ACACA: variants seen among roughly 807,000 people sequenced by gnomAD.
ACACA encodes the protein acetyl-CoA carboxylase alpha.
A neutral mutation model predicts 296.1 loss-of-function variants in ACACA; 103 were observed. The observed-to-expected ratio is 0.35, with a 90% CI of 0.30 to 0.41. The LOEUF is 0.41. Among genes scored for constraint, ACACA ranks in the 10% least tolerant of loss-of-function variants. ACACA has a pLI of 1.00. For missense variants in ACACA, 1,554 were observed against 2,989.7 expected, an observed-to-expected ratio of 0.52 and a Z score of 11.20; for synonymous variants, 953 against 1,038.6, an observed-to-expected ratio of 0.92 and a Z score of 1.58.
At chr17:37,404,397 T>TA (rs1168011954) in intron 1 of ACACA, among the ~76,000 whole-genome samples, 1 of 152,070 alleles carries the variant, frequency 6.6e-6, no homozygotes, top group Non-Finnish European at 1.5e-5. Context: ...ATTTAAAATT[T>TA]TTTTAGAGAT....
At chr17:37,192,847 T>G (rs2077819680) in intron 36 of ACACA, among the ~76,000 whole-genome samples, 1 of 152,202 alleles carries the variant, frequency 6.6e-6, no homozygotes, top group African/African-American at 2.4e-5. Flanking sequence ...TTATATATGT[T>G]TTTTAAAAGT....
At chr17:37,230,047 G>C (rs1277945394) in intron 25 of ACACA, among the ~76,000 whole-genome samples, 1 of 150,664 alleles carries the variant, frequency 6.6e-6, no homozygotes, top group East Asian at 2.0e-4. Flanking sequence ...GGCAACAAGA[G>C]TGAAATTCCG....
In ACACA at chr17:37,290,191, G is replaced by A. The variant is rs368059523; in HGVS notation, c.339-5221C>T. Among the ~76,000 whole-genome samples, 19 of 152,198 alleles carry A rather than the reference G, an allele frequency of 1.2e-4. No homozygotes were observed. The East Asian group carries it at 3.5e-3, about 28-fold the overall frequency. On this transcript the variant is annotated intron_variant, in intron 3 of 55. Coordinates refer to ENST00000616317, the MANE Select transcript of ACACA (RefSeq NM_198834.3). ...GCCTCCCAAGTAGCTGGAATTACAG[G>A]CATGTGCCACCACGCTCGACTAATT...
intron 3 of ACACA, among the ~76,000 whole-genome samples, chr17:37,326,903 C>T (rs964645614): frequency 6.6e-6 from 1 of 152,010 alleles, no homozygotes; most frequent in Admixed American, 6.6e-5. Context: ...ATACATGAGG[C>T]AAATCATCTC....
intron 3 of ACACA, among the ~76,000 whole-genome samples, chr17:37,325,579 C>CTTTCTT (rs1375925378): frequency 1.5e-5 from 1 of 67,922 alleles, no homozygotes; most frequent in East Asian, 4.9e-4. Flanking sequence ...TCTTTTCTTT[C>CTTTCTT]TTTTTTTTTT....
chr17:37,099,703 T>A (rs181509704), intron 52 of ACACA, among the ~76,000 whole-genome samples: 62 of 151,932 alleles, frequency 4.1e-4, no homozygotes, highest in African/African-American at 1.1e-3. Flanking sequence ...GGAGGAGGGC[T>A]GAGGGATGGA....
Position 37,113,006 on chromosome 17 carries a change from A to G in ACACA, c.6452+82T>C. On this transcript the variant is annotated intron_variant, in intron 51 of 55. Coordinates refer to ENST00000616317, the MANE Select transcript of ACACA (RefSeq NM_198834.3). This position sits in a 1 kb window ranked among gnomAD's most constrained non-coding sequence, Gnocchi z 4.0. ...CACAGGATGTGGGTGCTGTAGTGCC[A>G]TGGCTGTAACATTCTCCAGGAGGAA... 1.3e-6 allele frequency: 2 copies of G among 1,538,516 alleles called. No homozygotes were observed. The highest frequency in any genetic ancestry group is 2.3e-5 in the South Asian group (2 of 87,962).
chr17:37,393,298 AT>A (rs2050960286), intron 1 of ACACA, among the ~76,000 whole-genome samples: 1 of 152,030 alleles, frequency 6.6e-6, no homozygotes. Context: ...CCTCAAGTTT[AT>A]TTTGCCATCT....
chr17:37,154,044 C>A (rs1033480598), intron 43 of ACACA, among the ~76,000 whole-genome samples: 1 of 152,146 alleles, frequency 6.6e-6, no homozygotes, highest in Non-Finnish European at 1.5e-5. Flanking sequence ...CAGTGGCTTG[C>A]ACCTGTCATT....
chr17:37,278,073 A>G, intron 5 of ACACA, 68 bp from the exon 6 acceptor site: 2 of 1,177,824 alleles, frequency 1.7e-6, no homozygotes, highest in Non-Finnish European at 1.3e-6. Context: ...TGCACAGCAA[A>G]ACTACGTAAA....
chr17:37,202,666 T>C (rs1281798814), intron 33 of ACACA, among the ~76,000 whole-genome samples: 2 of 116,404 alleles, frequency 1.7e-5, no homozygotes, highest in Admixed American at 1.8e-4. Context: ...TTCCTTTTCT[T>C]TCATATATAT....
chr17:37,315,264 C>T (rs879395088), intron 3 of ACACA, among the ~76,000 whole-genome samples: 11 of 152,114 alleles, frequency 7.2e-5, no homozygotes, highest in Non-Finnish European at 1.2e-4. Flanking sequence ...AGCTGGAATC[C>T]ATATTTTTAA....
intron 42 of ACACA, among the ~76,000 whole-genome samples, 194 bp from the exon 43 acceptor site, chr17:37,155,974 A>C (rs1316694944): frequency 6.6e-6 from 1 of 151,270 alleles, no homozygotes; most frequent in African/African-American, 2.4e-5. Context: ...TTTTTCACTC[A>C]CTAACTGTCC....
chr17:37,232,590 G>C lies in ACACA; in HGVS notation c.3246+2385C>G, dbSNP rs79219593. On this transcript the variant is annotated intron_variant, in intron 25 of 55. Coordinates refer to ENST00000616317, the MANE Select transcript of ACACA (RefSeq NM_198834.3). ...CATTCAGTAACATCAGATCAGAAAA[G>C]AGCACCGTCTTGAGCTTTTACCCAT... Among the ~76,000 whole-genome samples the C allele has an allele frequency of 9.4e-3, 1,432 of 152,250 alleles. 11 individuals carry two copies. The highest frequency in any genetic ancestry group is 0.013 in the Non-Finnish European group (903 of 68,006).
At chr17:37,358,856 C>T (rs905828345) in intron 1 of ACACA, 2 of 796,326 alleles carry the variant, frequency 2.5e-6, no homozygotes, top group African/African-American at 1.9e-5. Flanking sequence ...GGCTGCCCCG[C>T]ACCCGATCTG....
At chr17:37,226,236 A>G in intron 26 of ACACA, 103 bp downstream of exon 26, 1 of 899,682 alleles carries the variant, frequency 1.1e-6, no homozygotes, top group Non-Finnish European at 1.9e-6. Flanking sequence ...TATAGAAAAT[A>G]ACATGTTCTT....
chr17:37,221,901 C>T, intron 28 of ACACA, 59 bp from the exon 29 acceptor site: 2 of 1,451,040 alleles, frequency 1.4e-6, no homozygotes. Context: ...AGAAAATAGC[C>T]CAGAAAAAGA....
rs1185754976 is a variant in ACACA at position 37,129,347 on chromosome 17, C to T, written c.5944+18G>A. 1 of 1,613,926 alleles carries T rather than the reference C, an allele frequency of 6.2e-7. No homozygotes were observed. Among genetic ancestry groups the T allele is most frequent in the Non-Finnish European group, 8.5e-7 (1 of 1,179,918 alleles). On this transcript the variant is annotated intron_variant, in intron 47 of 55. Coordinates refer to ENST00000616317, the MANE Select transcript of ACACA (RefSeq NM_198834.3). Reference sequence around the variant, plus strand: ...GCTTAAGAGCCAGGTACCATGGGGTCCTCAAACATATACATACTTGGGTGA... The same window carrying T: ...GCTTAAGAGCCAGGTACCATGGGGTTCTCAAACATATACATACTTGGGTGA...
intron 2 of ACACA, among the ~76,000 whole-genome samples, chr17:37,339,565 CA>C (rs1210316879): frequency 5.3e-5 from 8 of 152,246 alleles, no homozygotes; most frequent in African/African-American, 1.9e-4. Flanking sequence ...GCTGTCCAGA[CA>C]CTCTAGAAGC....
Sources: gnomAD v4.1 joint callset for allele counts (sites outside exome capture counted in the v4.1 genomes callset) on GRCh38, gnomAD v4.1.1 for gene constraint, Gnocchi (gnomAD v3.1) non-coding constraint, MANE v1.5 for transcripts, NCBI Gene and HGNC (gene_info 2026-07-23, HGNC 2026-07-21) for gene names.